The following UNC13C variants were observed in gnomAD, a reference collection of about 807,000 sequenced individuals.
The protein encoded by UNC13C is unc-13 homolog C.
UNC13C carries 174 observed loss-of-function variants against 245.4 expected under a neutral mutation model. The ratio of observed to expected loss-of-function variants is 0.71; its 90% CI spans 0.63 to 0.80. The LOEUF (loss-of-function observed/expected upper bound fraction) is 0.80, where lower values mean the gene tolerates loss of function less well. Among genes scored for constraint, UNC13C ranks in the 30% least tolerant of loss-of-function variants. UNC13C has a pLI of 0.00. For missense variants in UNC13C, 2,829 were observed against 2,602.9 expected, an observed-to-expected ratio of 1.09 and a Z score of -1.89; for synonymous variants, 992 against 895.1, an observed-to-expected ratio of 1.11 and a Z score of -1.93.
intron 17 of UNC13C, among the ~76,000 whole-genome samples, chr15:54,391,484 A>G (rs903485586): frequency 2.0e-5 from 3 of 152,122 alleles, no homozygotes; most frequent in African/African-American, 4.8e-5. Context: ...GTAAGCCTGC[A>G]TTACTGTCCA....
chr15:53,880,502 G>C, the UNC13C span, among the ~76,000 whole-genome samples: 1 of 152,108 alleles, frequency 6.6e-6, no homozygotes, highest in Non-Finnish European at 1.5e-5. Context: ...TACAACGGCG[G>C]GTCAGCATTT....
chr15:53,869,388 A>T, the UNC13C span, among the ~76,000 whole-genome samples: 1 of 150,864 alleles, frequency 6.6e-6, no homozygotes, highest in East Asian at 2.0e-4. Flanking sequence ...CATGAGTAGA[A>T]GAAAATCATT....
chr15:54,062,873 C>T (rs1897907480), intron 2 of UNC13C, among the ~76,000 whole-genome samples: 1 of 152,186 alleles, frequency 6.6e-6, no homozygotes, highest in East Asian at 1.9e-4. Flanking sequence ...CTCACTGTAG[C>T]TTGGTGTAAG....
At chr15:54,302,974 G>A (rs1160355361) in intron 13 of UNC13C, among the ~76,000 whole-genome samples, 1 of 152,028 alleles carries the variant, frequency 6.6e-6, no homozygotes, top group East Asian at 1.9e-4. Context: ...GAGAAATTGT[G>A]CATGCTTTTT....
At chr15:54,010,595 G>C (rs1413175654) in intron 1 of UNC13C, among the ~76,000 whole-genome samples, 1 of 152,174 alleles carries the variant, frequency 6.6e-6, no homozygotes, top group Non-Finnish European at 1.5e-5. Context: ...TGCTGAGGCA[G>C]ATGTGCTTAT....
At chr15:53,921,951 G>C in the UNC13C span, among the ~76,000 whole-genome samples, 4 of 152,106 alleles carry the variant, frequency 2.6e-5, no homozygotes, top group African/African-American at 9.7e-5. Flanking sequence ...GAGTTAGTTG[G>C]TTACAAAATC....
At chr15:54,622,538 C>A in intron 31 of UNC13C, 119 bp downstream of exon 31, 5 of 716,736 alleles carry the variant, frequency 7.0e-6, no homozygotes, top group South Asian at 2.3e-5. Context: ...AGGGCATGCA[C>A]AAAATTTCCT....
the UNC13C span, among the ~76,000 whole-genome samples, chr15:53,951,799 G>T: frequency 6.6e-6 from 1 of 152,258 alleles, no homozygotes; most frequent in Middle Eastern, 3.4e-3. Context: ...TTTTTAAAGT[G>T]CAAGTAACCT....
At chr15:54,114,949 G>T (rs976488548) in intron 2 of UNC13C, among the ~76,000 whole-genome samples, 1 of 151,882 alleles carries the variant, frequency 6.6e-6, no homozygotes, top group Non-Finnish European at 1.5e-5. Context: ...CTTTTCCTTT[G>T]TTTTTAATTC....
chr15:53,984,513 A>C (rs1378709451), intron 1 of UNC13C, among the ~76,000 whole-genome samples: 1 of 152,144 alleles, frequency 6.6e-6, no homozygotes, highest in African/African-American at 2.4e-5. Context: ...AAGTTACTTA[A>C]AATTTCTGCA....
chr15:54,141,651 T>A (rs2141234287), intron 2 of UNC13C, among the ~76,000 whole-genome samples: 1 of 152,234 alleles, frequency 6.6e-6, no homozygotes, highest in African/African-American at 2.4e-5. Context: ...TATCATTATT[T>A]TAAATGATGC....
At chr15:53,890,826 A>G in the UNC13C span, among the ~76,000 whole-genome samples, 18 of 150,304 alleles carry the variant, frequency 1.2e-4, 1 homozygote, top group Non-Finnish European at 2.4e-4. Flanking sequence ...TCCTGGATTC[A>G]TTGATTTTTT....
At position 54,546,709 on chromosome 15, in the gene UNC13C, AT is replaced by A. The variant is rs746243767; in HGVS notation, c.5697-4del. 2.6e-4 allele frequency: 351 copies of A among 1,374,708 alleles called. 2 individuals are homozygous for A. The highest frequency in any genetic ancestry group is 5.4e-4 in the South Asian group (35 of 65,244). 85.2% of individuals were successfully genotyped at this position (1,374,708 alleles called of 1,614,324 possible). A position where few individuals can be genotyped will look rare whatever the true frequency, so the allele number is the denominator to read the frequency against. On this transcript the variant is annotated splice_polypyrimidine_tract_variant and intron_variant, in intron 26 of 32. Coordinates refer to ENST00000260323, the MANE Select transcript of UNC13C (RefSeq NM_001080534.3). ...AATTTAAAAGTGAATATATATATAT[AT>A]TTTTTTTTCAGATTAAGTCTCTCAG...
chr15:54,425,952 C>A (rs1294892055), intron 19 of UNC13C, among the ~76,000 whole-genome samples: 1 of 151,776 alleles, frequency 6.6e-6, no homozygotes, highest in African/African-American at 2.4e-5. Context: ...CTTCCAGAGG[C>A]TTCCCACATT....
At chr15:53,886,979 C>T in the UNC13C span, among the ~76,000 whole-genome samples, 1 of 152,120 alleles carries the variant, frequency 6.6e-6, no homozygotes, top group Non-Finnish European at 1.5e-5. Context: ...GAAACTGTCA[C>T]AGCCAAGAGG....
chr15:54,370,311 G>C (rs947134604), intron 17 of UNC13C, among the ~76,000 whole-genome samples: 1 of 152,076 alleles, frequency 6.6e-6, no homozygotes, highest in Non-Finnish European at 1.5e-5. Flanking sequence ...CCTAGGAACT[G>C]TCTATTGTTG....
intron 2 of UNC13C, among the ~76,000 whole-genome samples, chr15:54,139,772 T>C (rs988425383): frequency 2.6e-5 from 4 of 152,176 alleles, no homozygotes; most frequent in African/African-American, 9.6e-5. Flanking sequence ...AAAATCTCTT[T>C]CCATAGGTTT....
chr15:54,483,704 C>T (rs936773882), intron 19 of UNC13C, among the ~76,000 whole-genome samples: 1 of 152,178 alleles, frequency 6.6e-6, no homozygotes, highest in African/African-American at 2.4e-5. Flanking sequence ...CCCCGTCTGC[C>T]TCTGCCTCCC....
At chr15:54,235,953 A>G (rs1318460346) in intron 5 of UNC13C, among the ~76,000 whole-genome samples, 1 of 152,048 alleles carries the variant, frequency 6.6e-6, no homozygotes, top group Non-Finnish European at 1.5e-5. Flanking sequence ...TCTGTTTCCT[A>G]TATTGAAATA....
Sources: gnomAD v4.1 joint callset for allele counts (sites outside exome capture counted in the v4.1 genomes callset) on GRCh38, gnomAD v4.1.1 for gene constraint, MANE v1.5 for transcripts, NCBI Gene and HGNC (gene_info 2026-07-23, HGNC 2026-07-21) for gene names.